The following CTNNA2 variants were observed in gnomAD, a reference collection of about 807,000 sequenced individuals.
CTNNA2 encodes the protein catenin alpha-2.
In CTNNA2, 42 loss-of-function variants were observed where a neutral mutation model predicts 101.0. That is an observed-to-expected ratio of 0.42 (90% CI 0.32 to 0.54). The LOEUF (loss-of-function observed/expected upper bound fraction) is 0.54, where lower values mean the gene tolerates loss of function less well. Among genes scored for constraint, CTNNA2 ranks in the 20% least tolerant of loss-of-function variants. The pLI is 0.14. For missense variants in CTNNA2, 871 were observed against 1,223.1 expected (o/e 0.71, Z 4.29); for synonymous variants, 450 against 456.4 (o/e 0.99, Z 0.18).
chr2:79,219,016 G>C lies in CTNNA2; in HGVS notation c.-406+20940G>C, dbSNP rs533735992. Among the ~76,000 whole-genome samples, 112 of 152,226 alleles carry C rather than the reference G, an allele frequency of 7.4e-4. 1 individual carries two copies. The highest frequency in any genetic ancestry group is 8.8e-5 in the Non-Finnish European group (6 of 68,022). On this transcript the variant is annotated intron_variant, in intron 2 of 21. Coordinates refer to the CTNNA2 transcript ENST00000466387. ...TCTTTCTTTCTATGCAAGGGTGTGT[G>C]TATGTATGTATAGTACAAAATTGCC...
At chr2:79,953,891 A>G (rs1689046028) in intron 7 of CTNNA2, among the ~76,000 whole-genome samples, 1 of 152,208 alleles carries the variant, frequency 6.6e-6, no homozygotes, top group Non-Finnish European at 1.5e-5. Flanking sequence ...GGCCAGTATC[A>G]TAGGTTATGG....
At chr2:79,310,882 C>G (rs1431860593) in intron 2 of CTNNA2, among the ~76,000 whole-genome samples, 1 of 152,076 alleles carries the variant, frequency 6.6e-6, no homozygotes, top group Non-Finnish European at 1.5e-5. Context: ...TTCTCTGGTT[C>G]TTAGACTTGT....
intron 3 of CTNNA2, among the ~76,000 whole-genome samples, chr2:79,753,138 C>A (rs1306693286): frequency 7.1e-6 from 1 of 141,690 alleles, no homozygotes; most frequent in African/African-American, 2.6e-5. Flanking sequence ...ATCTCCCGTA[C>A]ATTTTTAAGG....
chr2:80,087,481 T>A (rs958837351), intron 7 of CTNNA2, among the ~76,000 whole-genome samples: 3 of 152,010 alleles, frequency 2.0e-5, no homozygotes, highest in Non-Finnish European at 4.4e-5. Flanking sequence ...TCTGTGTAAA[T>A]ACGGGATGGA....
chr2:79,857,465 T>C (rs1335051377), intron 3 of CTNNA2, among the ~76,000 whole-genome samples: 5 of 152,218 alleles, frequency 3.3e-5, no homozygotes, highest in Admixed American at 2.0e-4. Context: ...TTTAGTTCTC[T>C]TCTAAATGTT....
chr2:80,076,278 C>CTTTT (rs200074706), intron 7 of CTNNA2, among the ~76,000 whole-genome samples: 1 of 145,108 alleles, frequency 6.9e-6, no homozygotes. Flanking sequence ...TCATTTTTTC[C>CTTTT]TTTTTTTTTT....
intron 14 of CTNNA2, among the ~76,000 whole-genome samples, chr2:80,584,059 A>C (rs911884155): frequency 6.6e-6 from 1 of 152,256 alleles, no homozygotes; most frequent in South Asian, 2.1e-4. Context: ...ACATGGAATT[A>C]TGGCTGTTAA....
intron 2 of CTNNA2, among the ~76,000 whole-genome samples, chr2:79,735,871 C>T (rs1171434331): frequency 6.6e-6 from 1 of 152,086 alleles, no homozygotes; most frequent in Non-Finnish European, 1.5e-5. Context: ...AAGAGACAGA[C>T]TAATTCTCTG....
chr2:79,294,826 A>G (rs12471468), intron 2 of CTNNA2, among the ~76,000 whole-genome samples: 80,170 of 151,792 alleles, frequency 0.53, 23,618 homozygotes, highest in East Asian at 0.73. Context: ...ATGTGTGACT[A>G]TTCTGTAATT....
chr2:79,420,767 T>C (rs1678532885), intron 4 of CTNNA2, among the ~76,000 whole-genome samples: 1 of 152,144 alleles, frequency 6.6e-6, no homozygotes, highest in South Asian at 2.1e-4. Flanking sequence ...TTATCTTTGA[T>C]CTTTATAAGC....
At chr2:80,324,659 T>G (rs933020788) in intron 7 of CTNNA2, among the ~76,000 whole-genome samples, 1 of 152,208 alleles carries the variant, frequency 6.6e-6, no homozygotes, top group East Asian at 1.9e-4. Flanking sequence ...TTTCCCAGAA[T>G]GCTTGGAATA....
At chr2:80,624,325 C>CT (rs1292803335) in intron 18 of CTNNA2, among the ~76,000 whole-genome samples, 2 of 151,944 alleles carry the variant, frequency 1.3e-5, no homozygotes, top group African/African-American at 4.8e-5. Context: ...CCTATATGGT[C>CT]TATGTTGAAA....
chr2:79,980,920 C>CT (rs980254468), intron 7 of CTNNA2, among the ~76,000 whole-genome samples: 23 of 148,870 alleles, frequency 1.5e-4, no homozygotes, highest in South Asian at 2.1e-4. Context: ...TTCTTTCTTT[C>CT]TTTTTTTTTT....
rs967235312 is a variant in CTNNA2 at position 79,408,980 on chromosome 2, T to G, written c.-135+34967T>G. Among the ~76,000 whole-genome samples the G allele has an allele frequency of 2.0e-5, 3 of 151,818 alleles. 1 individual carries two copies. In the South Asian group the frequency reaches 6.3e-4, roughly 32 times the overall value. On this transcript the variant is annotated intron_variant, in intron 4 of 21. Coordinates refer to the CTNNA2 transcript ENST00000466387. ...GCACTGTTGTTTCCTGACTTTTTGATGATTGCCATTCTAACTGGTGTGAGA... is the reference window on the plus strand; with the variant it reads ...GCACTGTTGTTTCCTGACTTTTTGAGGATTGCCATTCTAACTGGTGTGAGA...
At chr2:79,504,585 C>G (rs192870298) in intron 4 of CTNNA2, among the ~76,000 whole-genome samples, 1 of 152,142 alleles carries the variant, frequency 6.6e-6, no homozygotes, top group Non-Finnish European at 1.5e-5. Context: ...CCACCGCACC[C>G]GACCTACAAT....
rs371380013 is a variant in CTNNA2, at chr2:80,522,242, G to A, written c.1291-22740G>A. 4.8e-4 allele frequency among the ~76,000 whole-genome samples: 73 copies of A among 152,274 alleles called. No individual in the cohort carries two copies. In the South Asian group the frequency reaches 0.014, roughly 30 times the overall value. ...TCAGGGTGATTGGTAGTTAGTGTGA[G>A]CCTCAGCTGTTCTCAAGGATCCTCA... is the stretch of plus-strand genomic sequence containing the variant. On this transcript the variant is annotated intron_variant, in intron 9 of 18. Transcript: ENST00000402739.
intron 7 of CTNNA2, among the ~76,000 whole-genome samples, chr2:79,916,439 T>G (rs892342634): frequency 6.6e-6 from 1 of 150,672 alleles, no homozygotes; most frequent in African/African-American, 2.4e-5. Flanking sequence ...CTCTATTAAT[T>G]TTGAACTTCA....
chr2:80,204,616 A>C (rs930196627), intron 7 of CTNNA2, among the ~76,000 whole-genome samples: 6 of 152,242 alleles, frequency 3.9e-5, no homozygotes, highest in Middle Eastern at 3.4e-3. Context: ...ACATTCAACA[A>C]GTCTCTAGGA....
intron 3 of CTNNA2, among the ~76,000 whole-genome samples, chr2:79,791,993 G>A (rs1263690407): frequency 6.6e-6 from 1 of 152,210 alleles, no homozygotes; most frequent in East Asian, 1.9e-4. Context: ...AGAGTCAGGT[G>A]TAAATAAAAT....
Sources: gnomAD v4.1 joint callset for allele counts (sites outside exome capture counted in the v4.1 genomes callset) on GRCh38, gnomAD v4.1.1 for gene constraint, MANE v1.5 for transcripts, NCBI Gene and HGNC (gene_info 2026-07-23, HGNC 2026-07-21) for gene names.